Variants in PHF21A observed in about 807,000 individuals in gnomAD.
PHF21A encodes the protein PHD finger protein 21A.
PHF21A carries 11 observed loss-of-function variants against 82.5 expected under a neutral mutation model. That is an observed-to-expected ratio of 0.13 (90% CI 0.08 to 0.22). PHF21A has a LOEUF of 0.22. Among genes scored for constraint, PHF21A ranks in the 10% least tolerant of loss-of-function variants. The pLI is 1.00. For missense variants in PHF21A, 579 were observed against 837.8 expected (o/e 0.69, Z 3.81); for synonymous variants, 297 against 302.8 (o/e 0.98, Z 0.20).
At chr11:46,084,011 T>A (rs892267362) in intron 4 of PHF21A, among the ~76,000 whole-genome samples, 155 bp downstream of exon 4, 1 of 152,236 alleles carries the variant, frequency 6.6e-6, no homozygotes, top group African/African-American at 2.4e-5. Context: ...TATCTATGAC[T>A]TTGTCGAGTA....
chr11:46,094,523 A>G (rs1029752147), intron 1 of PHF21A, among the ~76,000 whole-genome samples: 6 of 152,210 alleles, frequency 3.9e-5, no homozygotes, highest in Non-Finnish European at 8.8e-5. Flanking sequence ...ACAAACTACA[A>G]TAAACACTAG....
intron 6 of PHF21A, among the ~76,000 whole-genome samples, chr11:46,049,150 G>A (rs903966227): frequency 4.6e-5 from 7 of 152,156 alleles, no homozygotes. Context: ...CACTTGCCTA[G>A]GCCTGGTCCA....
Position 46,074,931 on chromosome 11 carries a change from T to C in PHF21A, c.153+1823A>G, listed in dbSNP as rs576964713. 7.2e-5 allele frequency among the ~76,000 whole-genome samples: 11 copies of C among 152,368 alleles called. No individual in the cohort carries two copies. The East Asian group carries it at 2.1e-3, about 29-fold the overall frequency. On this transcript the variant is annotated intron_variant, in intron 6 of 18. Transcript: ENST00000676320. ...CTACCTAAAAATGATATTTTTCTGT[T>C]CCATCAAGAAGGTTGTTTTAACAGT...
At chr11:45,949,016 AG>A (rs2091728489) in intron 13 of PHF21A, 70 bp from the exon 14 acceptor site, 1 of 1,202,882 alleles carries the variant, frequency 8.3e-7, no homozygotes, top group Non-Finnish European at 1.2e-6. Context: ...CACAAGCTAA[AG>A]ACCAAGCATG....
At chr11:46,024,942 T>C (rs2095709860) in intron 6 of PHF21A, among the ~76,000 whole-genome samples, 1 of 152,216 alleles carries the variant, frequency 6.6e-6, no homozygotes, top group Admixed American at 6.5e-5. Flanking sequence ...CCCTTATTAT[T>C]GAACATCCCT....
intron 6 of PHF21A, among the ~76,000 whole-genome samples, chr11:46,063,591 C>T (rs1458352723): frequency 6.6e-6 from 1 of 152,166 alleles, no homozygotes; most frequent in Middle Eastern, 3.2e-3. Context: ...CAGAATCATA[C>T]TAGTCTTTCC....
At chr11:45,970,062 TTAACTCTCC>T in intron 8 of PHF21A, 158 bp from the exon 9 acceptor site, 2 of 639,820 alleles carry the variant, frequency 3.1e-6, no homozygotes, top group Non-Finnish European at 5.6e-6. Flanking sequence ...AGGAAACTTT[TTAACTCTCC>T]CACCTGTGTG....
intron 6 of PHF21A, among the ~76,000 whole-genome samples, chr11:45,990,866 G>T (rs554409610): frequency 6.6e-6 from 1 of 151,870 alleles, no homozygotes; most frequent in African/African-American, 2.4e-5. Context: ...TGTTACAATC[G>T]AACCTACACT....
At chr11:46,034,978 G>GT (rs1291132482) in intron 6 of PHF21A, among the ~76,000 whole-genome samples, 1 of 152,180 alleles carries the variant, frequency 6.6e-6, no homozygotes. Context: ...TTAGCCTACC[G>GT]TAGTTAAAAA....
chr11:46,054,824 G>A (rs1173257559), intron 6 of PHF21A, among the ~76,000 whole-genome samples: 1 of 151,872 alleles, frequency 6.6e-6, no homozygotes, highest in East Asian at 1.9e-4. Flanking sequence ...AATGTTGAAA[G>A]ATTACCTTTT....
intron 1 of PHF21A, among the ~76,000 whole-genome samples, chr11:46,113,294 C>G (rs1183581637): frequency 6.6e-6 from 1 of 152,132 alleles, no homozygotes; most frequent in Non-Finnish European, 1.5e-5. Context: ...AGAGTCTAAT[C>G]AAATTTAAAT....
chr11:46,109,363 T>G (rs1006635409), intron 1 of PHF21A, among the ~76,000 whole-genome samples: 4 of 152,220 alleles, frequency 2.6e-5, no homozygotes, highest in African/African-American at 9.6e-5. Context: ...TCTTTATTAT[T>G]GATGACAACA....
chr11:45,968,890 C>G (rs2093600606), intron 9 of PHF21A, among the ~76,000 whole-genome samples: 1 of 144,262 alleles, frequency 6.9e-6, no homozygotes, highest in Non-Finnish European at 1.5e-5. Flanking sequence ...TAGATCGTGC[C>G]ACTGCACTCC....
At chr11:45,995,261 G>T (rs1053224990) in intron 6 of PHF21A, among the ~76,000 whole-genome samples, 1 of 152,116 alleles carries the variant, frequency 6.6e-6, no homozygotes, top group African/African-American at 2.4e-5. Flanking sequence ...TAATCATAGG[G>T]GAGAAAGCAC....
At chr11:46,006,014 A>C (rs1194548390) in intron 6 of PHF21A, among the ~76,000 whole-genome samples, 2 of 152,210 alleles carry the variant, frequency 1.3e-5, no homozygotes, top group Non-Finnish European at 2.9e-5. Context: ...AACTTTGAAA[A>C]TGGGCTGGTC....
At chr11:46,002,691 C>T (rs563582277) in intron 6 of PHF21A, among the ~76,000 whole-genome samples, 2 of 152,070 alleles carry the variant, frequency 1.3e-5, no homozygotes, top group Non-Finnish European at 2.9e-5. Flanking sequence ...ACTCTGTCCC[C>T]GTAAAATGTC....
At chr11:46,000,195 A>C (rs2095068667) in intron 6 of PHF21A, among the ~76,000 whole-genome samples, 1 of 152,234 alleles carries the variant, frequency 6.6e-6, no homozygotes, top group Non-Finnish European at 1.5e-5. Flanking sequence ...ATTTAGCACG[A>C]AGAAACTGCT....
chr11:46,084,473 C>T (rs1254364089), intron 3 of PHF21A, among the ~76,000 whole-genome samples, 171 bp from the exon 4 acceptor site: 2 of 151,904 alleles, frequency 1.3e-5, no homozygotes, highest in African/African-American at 4.8e-5. Context: ...CTCTAAAGAA[C>T]ACTTCAAATA....
chr11:45,970,021 G>GT, intron 8 of PHF21A, 117 bp from the exon 9 acceptor site: 1 of 762,518 alleles, frequency 1.3e-6, no homozygotes, highest in Admixed American at 2.2e-5. Flanking sequence ...AGCTTTCATC[G>GT]TAAGTTAATC....
Sources: allele counts gnomAD v4.1 joint callset (sites outside exome capture counted in the v4.1 genomes callset), GRCh38; gene constraint gnomAD v4.1.1; transcripts MANE v1.5; gene names NCBI Gene and HGNC (gene_info 2026-07-23, HGNC 2026-07-21).